The following ENO3 variants were observed in gnomAD, a reference collection of about 807,000 sequenced individuals.
ENO3 encodes beta-enolase.
ENO3 carries 46 observed loss-of-function variants against 47.7 expected under a neutral mutation model. That is an observed-to-expected ratio of 0.96 (90% CI 0.76 to 1.23). The LOEUF is 1.23. ENO3 is among the 50% of genes most tolerant of loss of function. The pLI is 0.00. For synonymous variants in ENO3, 223 were observed against 225.9 expected (o/e 0.99, Z 0.11); for missense variants, 575 against 566.2 (o/e 1.02, Z -0.16).
At chr17:4,952,929 G>A in intron 3 of ENO3, 39 bp downstream of exon 3, 5 of 1,610,288 alleles carry the variant, frequency 3.1e-6, no homozygotes, top group Non-Finnish European at 4.2e-6. Flanking sequence ...TGTGTGGGCG[G>A]CTTTAGGACA....
chr17:4,954,471 A>G (rs1971653467), intron 6 of ENO3, among the ~76,000 whole-genome samples: 1 of 152,248 alleles, frequency 6.6e-6, no homozygotes, highest in South Asian at 2.1e-4. Flanking sequence ...TAATACATGT[A>G]AAGTACTTAG....
At chr17:4,956,483 A>T in intron 9 of ENO3, 90 bp from the exon 10 acceptor site, 1 of 1,280,654 alleles carries the variant, frequency 7.8e-7, no homozygotes, top group Middle Eastern at 1.8e-4. Context: ...AGTGCTTGCT[A>T]CCCAAAACAG....
At chr17:4,956,242 T>C in intron 9 of ENO3, 99 bp downstream of exon 9, 1 of 1,414,136 alleles carries the variant, frequency 7.1e-7, no homozygotes, top group Non-Finnish European at 9.8e-7. Context: ...AGCTTACCTT[T>C]CCCCTGGCAC....
chr17:4,955,957 A>T lies in ENO3; in HGVS notation c.881A>T (p.Asp294Val). The change falls in exon 9 of 12, where the codon GAC (aspartate) becomes GTC (valine). Residue 294 changes from aspartate to valine, a missense_variant. By Grantham distance (152) the Asp-to-Val change is radical. Transcript: ENST00000519602. ...ACCCCACCAGTGGTCTCCATCGAAG[A>T]CCCCTTTGACCAGGATGACTGGGCC... ...IKNYPVVSIE[D>V]PFDQDDWATW... The T allele has an allele frequency of 6.2e-7, 1 of 1,603,212 alleles. No homozygotes were observed. Among genetic ancestry groups the T allele is most frequent in the Non-Finnish European group, 8.5e-7 (1 of 1,177,862 alleles).
intron 6 of ENO3, 176 bp downstream of exon 6, chr17:4,954,021 T>C: frequency 1.1e-6 from 1 of 949,756 alleles, no homozygotes; most frequent in South Asian, 1.5e-5. Context: ...AATCCAAACC[T>C]TCCCTGAAGG....
chr17:4,954,774 A>G (rs879544005), intron 6 of ENO3, among the ~76,000 whole-genome samples: 4 of 151,960 alleles, frequency 2.6e-5, no homozygotes, highest in East Asian at 3.9e-4. Flanking sequence ...TTAGCCAGGC[A>G]TGGTGGCACC....
upstream of ENO3, chr17:4,951,012 G>C (rs942745466): frequency 1.0e-6 from 1 of 985,870 alleles, no homozygotes; most frequent in Non-Finnish European, 1.2e-6. Context: ...GTGGGCACTT[G>C]GCTGCCAGCC....
Position 4,951,866 on chromosome 17 carries a change from G to T in ENO3, c.37G>T (p.Asp13Tyr). 6.2e-7 allele frequency: 1 copy of T among 1,614,168 alleles called. No homozygotes were observed. Among genetic ancestry groups the T allele is most frequent in the Non-Finnish European group, 8.5e-7 (1 of 1,180,016 alleles). ...MQKIFAREIL[D>Y]SRGNPTVEVD... ...GAAAATCTTTGCCCGGGAAATCTTG[G>T]ACTCCAGGGGCAACCCCACGGTGGA... is the stretch of plus-strand genomic sequence containing the variant. Residue 13 changes from aspartate (D) to tyrosine (Y), a missense_variant, in exon 2 of 12, where the codon GAC becomes TAC. Coordinates refer to ENST00000519602, the MANE Select transcript of ENO3 (RefSeq NM_053013.4).
chr17:4,951,691 G>A (rs770458209), intron 1 of ENO3, 137 bp from the exon 2 acceptor site: 3 of 934,794 alleles, frequency 3.2e-6, no homozygotes, highest in Non-Finnish European at 5.2e-6. Flanking sequence ...TGCCTCTTTG[G>A]TCTGTGACCT....
At chr17:4,952,379 T>C (rs918531035) in intron 2 of ENO3, 4 of 324,280 alleles carry the variant, frequency 1.2e-5, no homozygotes, top group Non-Finnish European at 2.4e-5. Context: ...AGTCTCACTC[T>C]GTCGCCCAGG....
intron 4 of ENO3, 28 bp downstream of exon 4, chr17:4,953,137 C>A: frequency 6.2e-7 from 1 of 1,614,144 alleles, no homozygotes; most frequent in Non-Finnish European, 8.5e-7. Flanking sequence ...CTCGCTGCAG[C>A]CTCCTCCCCA....
Position 4,956,971 on chromosome 17 carries a change from A to G in ENO3, c.1236-7A>G. ...GTTCAGCAGCCCTAACCTTGCCTGCATTCTAGGATCGAGGAGGCTCTTGGG... is the reference window on the plus strand; with the variant it reads ...GTTCAGCAGCCCTAACCTTGCCTGCGTTCTAGGATCGAGGAGGCTCTTGGG... On this transcript the variant is annotated splice_region_variant and splice_polypyrimidine_tract_variant and intron_variant, in intron 11 of 11. Transcript: ENST00000519602. The G allele has an allele frequency of 1.2e-6, 2 of 1,614,244 alleles. No individual in the cohort carries two copies. The highest frequency in any genetic ancestry group is 8.5e-7 in the Non-Finnish European group (1 of 1,180,048).
intron 6 of ENO3, 29 bp from the exon 7 acceptor site, chr17:4,955,046 C>G: frequency 6.2e-7 from 1 of 1,609,474 alleles, no homozygotes; most frequent in Non-Finnish European, 8.5e-7. Flanking sequence ...TGCCCCGGCC[C>G]AGGTCCAGAC....
At chr17:4,953,422 A>T in intron 5 of ENO3, 81 bp downstream of exon 5, 1 of 1,584,420 alleles carries the variant, frequency 6.3e-7, no homozygotes, top group Non-Finnish European at 8.7e-7. Flanking sequence ...CTGATGGGTT[A>T]TTTCTGGGTC....
intron 9 of ENO3, 175 bp from the exon 10 acceptor site, chr17:4,956,398 C>T (rs1468217697): frequency 1.3e-6 from 1 of 763,956 alleles, no homozygotes; most frequent in Non-Finnish European, 2.2e-6. Context: ...TCAGCAGCAT[C>T]TCAAGAGCCC....
intron 1 of ENO3, among the ~76,000 whole-genome samples, chr17:4,951,395 G>A (rs1171978667): frequency 2.6e-5 from 4 of 152,142 alleles, no homozygotes; most frequent in Non-Finnish European, 4.4e-5. Context: ...AGGGCAGCAG[G>A]GATGGATAGA....
At chr17:4,948,957 A>C (rs931973766), upstream of ENO3, 1 of 152,032 alleles carries the variant, frequency 6.6e-6, no homozygotes, top group South Asian at 2.1e-4. Context: ...CGCCGAAGGG[A>C]AGGACCGGCG....
At chr17:4,950,449 C>A, upstream of ENO3, 1 of 575,730 alleles carries the variant, frequency 1.7e-6, no homozygotes, top group Non-Finnish European at 2.2e-6. Flanking sequence ...GAAAGGGGCT[C>A]TGACCGACAG....
In ENO3 at chr17:4,956,569, T is replaced by C. The variant is rs773176585; in HGVS notation, c.1068-4T>C. The C allele has an allele frequency of 6.2e-7, 1 of 1,614,150 alleles. No homozygotes were observed. Among genetic ancestry groups the C allele is most frequent in the Non-Finnish European group, 8.5e-7 (1 of 1,180,010 alleles). On this transcript the variant is annotated splice_region_variant and splice_polypyrimidine_tract_variant and intron_variant, in intron 9 of 11. Coordinates refer to ENST00000519602, the MANE Select transcript of ENO3 (RefSeq NM_053013.4). ...AGGCCACATCAAATGTCCTCTCCAC[T>C]CAGGTGCAAACTGGCTCAGTCTAAT... is the stretch of plus-strand genomic sequence containing the variant.
Sources: gnomAD v4.1 joint callset for allele counts (sites outside exome capture counted in the v4.1 genomes callset) on GRCh38, gnomAD v4.1.1 for gene constraint, MANE v1.5 for transcripts, NCBI Gene and HGNC (gene_info 2026-07-23, HGNC 2026-07-21) for gene names.